The following AKNAD1 variants were observed in gnomAD, a reference collection of about 807,000 sequenced individuals.
The protein encoded by AKNAD1 is AKNA domain containing 1.
AKNAD1 carries 67 observed loss-of-function variants against 90.8 expected under a neutral mutation model. The observed-to-expected ratio is 0.74, with a 90% CI of 0.61 to 0.90. The LOEUF (loss-of-function observed/expected upper bound fraction) is 0.90. AKNAD1 is among the 40% of genes least tolerant of loss of function. AKNAD1 has a pLI of 0.00. For missense variants in AKNAD1, 957 were observed against 975.4 expected, an observed-to-expected ratio of 0.98 and a Z score of 0.25; for synonymous variants, 327 against 341.4, an observed-to-expected ratio of 0.96 and a Z score of 0.46.
At chr1:108,845,616 G>A (rs1481210697) in intron 5 of AKNAD1, among the ~76,000 whole-genome samples, 1 of 152,176 alleles carries the variant, frequency 6.6e-6, no homozygotes, top group Non-Finnish European at 1.5e-5. Flanking sequence ...CCCCATTTGA[G>A]TAACCATCTG....
chr1:108,852,714 G>C lies in AKNAD1; in HGVS notation c.-50C>G. Reference sequence around the variant, plus strand: ...TCCTCTGCCTCCTGAGCTGGCTGCTGTCAGTTGTAACAATAGCTCTGGTTC... The same window carrying C: ...TCCTCTGCCTCCTGAGCTGGCTGCTCTCAGTTGTAACAATAGCTCTGGTTC... On this transcript the variant is annotated 5_prime_UTR_variant, in exon 2 of 16. Coordinates refer to ENST00000370001, the MANE Select transcript of AKNAD1 (RefSeq NM_152763.5). The C allele has an allele frequency of 6.6e-7, 1 of 1,514,858 alleles. No individual in the cohort carries two copies. The allele number at this position is 1,514,858 out of a possible 1,614,324, so 93.8% of individuals were successfully genotyped here.
chr1:108,854,974 A>G (rs1208537928), intron 1 of AKNAD1, among the ~76,000 whole-genome samples: 1 of 152,228 alleles, frequency 6.6e-6, no homozygotes, highest in Non-Finnish European at 1.5e-5. Context: ...CTTGGCACAG[A>G]GTAAGAATTC....
intron 13 of AKNAD1, among the ~76,000 whole-genome samples, chr1:108,821,607 T>C (rs193214525): frequency 1.3e-5 from 2 of 152,242 alleles, no homozygotes; most frequent in East Asian, 3.9e-4. Context: ...TTCCAAGAGG[T>C]TGGGCCAAAT....
intron 10 of AKNAD1, among the ~76,000 whole-genome samples, chr1:108,829,756 T>C (rs983587199): frequency 6.6e-6 from 1 of 152,202 alleles, no homozygotes; most frequent in African/African-American, 2.4e-5. Flanking sequence ...ATCCATTACG[T>C]ACATATAACA....
chr1:108,852,295 T>C lies in AKNAD1; in HGVS notation c.370A>G (p.Arg124Gly), dbSNP rs1246051280. Residue 124 changes from arginine to glycine, a missense_variant, in exon 2 of 16, where the codon AGA becomes GGA. Physicochemically the swap from Arg to Gly is moderately radical, Grantham distance 125. Transcript: ENST00000370001. Reference protein sequence around the residue: ...LHHLSKEPFLRGQGIDCETLP... With the variant: ...LHHLSKEPFLGGQGIDCETLP... ...GTTTCACAATCAATGCCTTGACCTC[T>C]TAAGAATGGCTCTTTGGAAAGATGA... 3.1e-6 allele frequency: 5 copies of C among 1,614,200 alleles called. No individual in the cohort carries two copies. The highest frequency in any genetic ancestry group is 4.2e-6 in the Non-Finnish European group (5 of 1,180,030).
intron 9 of AKNAD1, 34 bp downstream of exon 9, chr1:108,834,413 A>C (rs1664309784): frequency 5.1e-6 from 8 of 1,555,212 alleles, no homozygotes; most frequent in Non-Finnish European, 7.0e-6. Context: ...AACAATGAGA[A>C]GAACCCAGCC....
intron 11 of AKNAD1, 126 bp downstream of exon 11, chr1:108,827,079 C>T (rs545956540): frequency 2.9e-6 from 2 of 700,954 alleles, no homozygotes; most frequent in South Asian, 3.6e-5. Flanking sequence ...ATAAATACAA[C>T]ATGCAACATC....
Position 108,848,972 on chromosome 1 carries a change from T to C in AKNAD1, c.1122A>G (p.Ile374Met). The C allele has an allele frequency of 1.2e-6, 2 of 1,611,264 alleles. No individual in the cohort carries two copies. The highest frequency in any genetic ancestry group is 4.5e-5 in the East Asian group (2 of 44,830). ...SSSSSYIFQK[I>M]SQGKQMCQKL... is the part of the protein sequence containing the mutation. ...TCTGACACATCTGTTTCCCTTGGGA[T>C]ATCTTTTGAAATATGTAAGAAGAAC... Residue 374 changes from isoleucine (I) to methionine (M), a missense_variant, in exon 4 of 16, where the codon ATA (isoleucine) becomes ATG (methionine). Transcript: ENST00000370001.
chr1:108,844,285 C>G (rs1284451704), intron 5 of AKNAD1, among the ~76,000 whole-genome samples: 1 of 151,964 alleles, frequency 6.6e-6, no homozygotes, highest in African/African-American at 2.4e-5. Flanking sequence ...ATCACTTGAG[C>G]CCAGGAGGCA....
intron 14 of AKNAD1, 190 bp from the exon 15 acceptor site, chr1:108,817,367 C>A: frequency 1.8e-6 from 1 of 541,650 alleles, no homozygotes; most frequent in African/African-American, 1.9e-5. Context: ...ATGGTTGTTG[C>A]CATGACCATG....
intron 13 of AKNAD1, among the ~76,000 whole-genome samples, chr1:108,822,282 G>T (rs1425310917): frequency 1.3e-5 from 2 of 152,148 alleles, no homozygotes; most frequent in Non-Finnish European, 2.9e-5. Context: ...TCTAGTTGCT[G>T]TAAGGGTCTT....
chr1:108,851,620 G>A (rs1664864911), intron 2 of AKNAD1, 52 bp downstream of exon 2: 7 of 1,481,994 alleles, frequency 4.7e-6, no homozygotes, highest in South Asian at 2.8e-5. Flanking sequence ...CACACTGAAA[G>A]AGATAAGCAG....
At chr1:108,829,349 A>G (rs942051689) in intron 10 of AKNAD1, among the ~76,000 whole-genome samples, 1 of 114,408 alleles carries the variant, frequency 8.7e-6, no homozygotes, top group African/African-American at 3.6e-5. Flanking sequence ...TAGGGTCTAG[A>G]CTAGGAATTT....
At position 108,830,527 on chromosome 1, in the gene AKNAD1, A is replaced by T. The variant is rs778045627; in HGVS notation, c.1838+32T>A. 1.9e-6 allele frequency: 3 copies of T among 1,606,296 alleles called. No individual in the cohort carries two copies. The South Asian group carries it at 3.3e-5, about 18-fold the overall frequency. ...ACTATGCCAGGACTGACTCCAATCC[A>T]CCCTGGGAATGTAGCCACAAGAAGC... On this transcript the variant is annotated intron_variant, in intron 10 of 15. Coordinates refer to ENST00000370001, the MANE Select transcript of AKNAD1 (RefSeq NM_152763.5).
At chr1:108,817,244 A>G in intron 14 of AKNAD1, 67 bp from the exon 15 acceptor site, 1 of 1,593,408 alleles carries the variant, frequency 6.3e-7, no homozygotes, top group Non-Finnish European at 8.6e-7. Flanking sequence ...TGTTCACGTC[A>G]GCTCTGTGGT....
chr1:108,831,678 C>G (rs1337395900), intron 9 of AKNAD1, among the ~76,000 whole-genome samples: 1 of 147,742 alleles, frequency 6.8e-6, no homozygotes, highest in Non-Finnish European at 1.5e-5. Context: ...GAGTCTCACT[C>G]TGTTGCCCAG....
chr1:108,826,794 C>T (rs1285324366), intron 11 of AKNAD1, among the ~76,000 whole-genome samples: 5 of 141,188 alleles, frequency 3.5e-5, no homozygotes, highest in South Asian at 2.3e-4. Context: ...GGCTGGAGTA[C>T]GGTGGCATGA....
In AKNAD1 at chr1:108,832,294, C is replaced by T. The variant is rs184300488; in HGVS notation, c.1747-1644G>A. Among the ~76,000 whole-genome samples the T allele has an allele frequency of 1.8e-4, 26 of 146,164 alleles. No individual in the cohort carries two copies. The Middle Eastern group carries it at 0.011, about 62-fold the overall frequency. ...GCAGTGGCGCAATCTTGGCTCACTG[C>T]AACCTCCACCTCCCTCCCAATTTCA... On this transcript the variant is annotated intron_variant, in intron 9 of 15. Coordinates refer to ENST00000370001, the MANE Select transcript of AKNAD1 (RefSeq NM_152763.5).
intron 10 of AKNAD1, among the ~76,000 whole-genome samples, chr1:108,828,233 G>T (rs1024755652): frequency 2.0e-5 from 3 of 151,704 alleles, no homozygotes; most frequent in African/African-American, 7.2e-5. Context: ...GGCTTTGCCG[G>T]GTGTCTGTGG....
Sources: allele counts gnomAD v4.1 joint callset (sites outside exome capture counted in the v4.1 genomes callset), GRCh38; gene constraint gnomAD v4.1.1; transcripts MANE v1.5; gene names NCBI Gene and HGNC (gene_info 2026-07-23, HGNC 2026-07-21).